The following RASL12 variants were observed in gnomAD, a reference collection of about 807,000 sequenced individuals.
The protein encoded by RASL12 is RAS like family 12, also known as ras-like protein family member 12.
In RASL12, 16 loss-of-function variants were observed where a neutral mutation model predicts 22.9. That is an observed-to-expected ratio of 0.70 (90% CI 0.47 to 1.06). The LOEUF (loss-of-function observed/expected upper bound fraction) is 1.06. Ranked by LOEUF, RASL12 falls within the 50% of genes least tolerant of loss-of-function variation. The probability of loss-of-function intolerance (pLI) is 0.00; values close to 1 mark genes in which losing one functional copy is unlikely to be tolerated. For synonymous variants in RASL12, 159 were observed against 152.2 expected (o/e 1.04, Z -0.33); for missense variants, 306 against 353.1 (o/e 0.87, Z 1.07).
At chr15:65,047,432 A>C in the RASL12 span, among the ~76,000 whole-genome samples, 1 of 152,242 alleles carries the variant, frequency 6.6e-6, no homozygotes, top group Admixed American at 6.5e-5. Context: ...TCATGAAAGC[A>C]GTGTATACGC....
chr15:65,064,993 T>C (rs2086858889), intron 2 of RASL12, among the ~76,000 whole-genome samples: 2 of 152,220 alleles, frequency 1.3e-5, no homozygotes, highest in South Asian at 2.1e-4. Context: ...CAGCCTCTCT[T>C]AGTTCTGTGA....
Position 65,054,984 on chromosome 15 carries a change from T to C in RASL12, c.716A>G (p.Lys239Arg), listed in dbSNP as rs1457986199. The C allele has an allele frequency of 6.2e-7, 1 of 1,614,200 alleles. No individual in the cohort carries two copies. The highest frequency in any genetic ancestry group is 8.5e-7 in the Non-Finnish European group (1 of 1,180,012). Reference protein sequence around the residue: ...LKEMPTVAQAKLVTVKSSRAQ... With the variant: ...LKEMPTVAQARLVTVKSSRAQ... ...CCGGGATGACTTCACGGTGACCAGCTTGGCCTGGGCCACAGTGGGCATCTC... is the reference window on the plus strand; with the variant it reads ...CCGGGATGACTTCACGGTGACCAGCCTGGCCTGGGCCACAGTGGGCATCTC... Residue 239 changes from lysine (K) to arginine (R), a missense_variant, in exon 5 of 5, where the codon AAG (lysine) becomes AGG (arginine). Transcript: ENST00000220062.
intron 2 of RASL12, among the ~76,000 whole-genome samples, chr15:65,060,207 C>T (rs2086785247): frequency 6.6e-6 from 1 of 152,218 alleles, no homozygotes; most frequent in African/African-American, 2.4e-5. Flanking sequence ...ATGGGCCCCC[C>T]AGGCATGGGG....
At position 65,067,785 on chromosome 15, in the gene RASL12, C is replaced by G. The variant is rs750551997; in HGVS notation, c.51G>C (p.Ala17=). Residue 17 remains alanine (A), a synonymous_variant, in exon 1 of 5, where the codon GCG becomes GCC. Coordinates refer to ENST00000220062, the MANE Select transcript of RASL12 (RefSeq NM_016563.4). Reference sequence around the variant, plus strand: ...GGATGGCCAGGTTGACCTCGAGGGGCGCGCTCTGAGGCCCGCTGCCCGCGC... The same window carrying G: ...GGATGGCCAGGTTGACCTCGAGGGGGGCGCTCTGAGGCCCGCTGCCCGCGC... ...KPRAGSGPQS[A]PLEVNLAILG... The G allele has an allele frequency of 4.4e-6, 7 of 1,581,494 alleles. No homozygotes were observed. In the Admixed American group the frequency reaches 1.2e-4, roughly 28 times the overall value.
chr15:65,064,452 G>C (rs2086852009), intron 2 of RASL12, among the ~76,000 whole-genome samples: 1 of 152,190 alleles, frequency 6.6e-6, no homozygotes. Flanking sequence ...CCATGATGCA[G>C]CGATGAAAAC....
Position 65,055,167 on chromosome 15 carries a change from T to A in RASL12, c.533A>T (p.Glu178Val). ...CTCCCGCCGTGCCTCTCGCACTGCC[T>A]CGTGGAAGACATGCTGCACGTGCTC... ...DFEHVQHVFH[E>V]AVREARRELE... Residue 178 changes from glutamate to valine, a missense_variant, in exon 5 of 5, where the codon GAG becomes GTG. Transcript: ENST00000220062. 6.2e-7 allele frequency: 1 copy of A among 1,612,662 alleles called. No homozygotes were observed. The highest frequency in any genetic ancestry group is 8.5e-7 in the Non-Finnish European group (1 of 1,179,774).
At chr15:65,053,146 A>G (rs767187250), downstream of RASL12, 1 of 1,614,036 alleles carries the variant, frequency 6.2e-7, no homozygotes, top group East Asian at 2.2e-5. Context: ...TTCCGGATGT[A>G]CCAGAAACTG....
intron 2 of RASL12, among the ~76,000 whole-genome samples, chr15:65,062,190 G>A (rs915131506): frequency 2.6e-5 from 4 of 152,302 alleles, no homozygotes; most frequent in South Asian, 2.1e-4. Flanking sequence ...TCTGGGAGAG[G>A]AGAATATTCT....
the RASL12 span, among the ~76,000 whole-genome samples, chr15:65,047,081 G>T: frequency 1.3e-5 from 2 of 152,118 alleles, no homozygotes; most frequent in Admixed American, 1.3e-4. Context: ...CAAAGGCTGG[G>T]TGCAGTGGCT....
downstream of RASL12, chr15:65,050,178 C>A: frequency 8.7e-7 from 1 of 1,144,564 alleles, no homozygotes; most frequent in Non-Finnish European, 1.3e-6. Context: ...AAGGTCCTGA[C>A]ACTGTCGTCC....
intron 2 of RASL12, among the ~76,000 whole-genome samples, chr15:65,059,960 TA>T (rs1171265524): frequency 1.3e-5 from 2 of 152,270 alleles, no homozygotes; most frequent in African/African-American, 4.8e-5. Flanking sequence ...GAGTCTAGTG[TA>T]GTCAGAAGTT....
At chr15:65,051,581 T>G (rs1328348105), downstream of RASL12, 3 of 1,613,514 alleles carry the variant, frequency 1.9e-6, no homozygotes. Context: ...ATGGTCCTCC[T>G]GGGAAGAAGC....
downstream of RASL12, chr15:65,051,591 C>G (rs1423450236): frequency 6.2e-7 from 1 of 1,613,288 alleles, no homozygotes. Flanking sequence ...TGGGAAGAAG[C>G]ATCCAGGCAA....
exon 1 of RASL12, chr15:65,076,621 C>A (rs75289239): frequency 1.4e-6 from 1 of 702,580 alleles, no homozygotes; most frequent in Non-Finnish European, 2.6e-6. Flanking sequence ...TATGAGTGAT[C>A]ACACAGGTCT....
chr15:65,055,717 C>A (rs1438770107), intron 4 of RASL12, among the ~76,000 whole-genome samples: 1 of 152,128 alleles, frequency 6.6e-6, no homozygotes, highest in African/African-American at 2.4e-5. Context: ...GGGATCAGCT[C>A]TAGAGAGAAG....
At chr15:65,052,943 A>T, downstream of RASL12, 1 of 858,448 alleles carries the variant, frequency 1.2e-6, no homozygotes, top group Non-Finnish European at 1.8e-6. Context: ...CCCCCTCATT[A>T]ACACTGTTCC....
chr15:65,055,141 G>C lies in RASL12; in HGVS notation c.559C>G (p.Leu187Val). 1 of 1,611,098 alleles carries C rather than the reference G, an allele frequency of 6.2e-7. No homozygotes were observed. The highest frequency in any genetic ancestry group is 8.5e-7 in the Non-Finnish European group (1 of 1,179,132). ...GGCCGGGTCAGGGGGCTCTTCTCCA[G>C]CTCCCGCCGTGCCTCTCGCACTGCC... ...HEAVREARRE[L>V]EKSPLTRPLF... The change falls in exon 5 of 5, where the codon CTG becomes GTG. Residue 187 changes from leucine (L) to valine (V), a missense_variant. Transcript: ENST00000220062.
Position 65,055,145 on chromosome 15 carries a change from C to G in RASL12, c.555G>C (p.Arg185=), listed in dbSNP as rs1263047379. ...VFHEAVREAR[R]ELEKSPLTRP... Reference sequence around the variant, plus strand: ...GGGTCAGGGGGCTCTTCTCCAGCTCCCGCCGTGCCTCTCGCACTGCCTCGT... The same window carrying G: ...GGGTCAGGGGGCTCTTCTCCAGCTCGCGCCGTGCCTCTCGCACTGCCTCGT... Residue 185 remains arginine (R), a synonymous_variant, in exon 5 of 5, where the codon CGG becomes CGC. Coordinates refer to ENST00000220062, the MANE Select transcript of RASL12 (RefSeq NM_016563.4). 6.2e-7 allele frequency: 1 copy of G among 1,611,844 alleles called. No homozygotes were observed. Among genetic ancestry groups the G allele is most frequent in the African/African-American group, 1.3e-5 (1 of 74,930 alleles).
At chr15:65,076,554 G>A (rs1437438139) in exon 1 of RASL12, 2 of 701,596 alleles carry the variant, frequency 2.9e-6, no homozygotes, top group Admixed American at 2.0e-5. Flanking sequence ...CTTCATTCTT[G>A]AAGTCAGACC....
Sources: allele counts gnomAD v4.1 joint callset (sites outside exome capture counted in the v4.1 genomes callset), GRCh38; gene constraint gnomAD v4.1.1; transcripts MANE v1.5; gene names NCBI Gene and HGNC (gene_info 2026-07-23, HGNC 2026-07-21).